PTPRA: variants seen among roughly 807,000 people sequenced by gnomAD.
PTPRA encodes receptor-type tyrosine-protein phosphatase alpha.
Under a neutral mutation model 104.8 loss-of-function variants are expected in PTPRA, and 25 were observed. The observed-to-expected ratio is 0.24, with a 90% CI of 0.17 to 0.33. The LOEUF (loss-of-function observed/expected upper bound fraction) is 0.33, where lower values mean the gene tolerates loss of function less well. PTPRA is among the 10% of genes least tolerant of loss of function. The pLI, the probability that PTPRA is intolerant of heterozygous loss-of-function variation, is 1.00. For missense variants in PTPRA, 765 were observed against 1,015.3 expected, an observed-to-expected ratio of 0.75 and a Z score of 3.35; for synonymous variants, 323 against 368.9, an observed-to-expected ratio of 0.88 and a Z score of 1.43.
At chr20:2,991,230 G>A (rs933683820) in intron 9 of PTPRA, among the ~76,000 whole-genome samples, 6 of 151,956 alleles carry the variant, frequency 3.9e-5, no homozygotes, top group East Asian at 1.9e-4. Context: ...GTGGTGGCAC[G>A]TGCCTGTAAT....
intron 1 of PTPRA, among the ~76,000 whole-genome samples, chr20:2,894,988 C>CAAA (rs58817434): frequency 1.9e-5 from 2 of 104,472 alleles, no homozygotes; most frequent in Non-Finnish European, 2.0e-5. Flanking sequence ...CTCCTTCACC[C>CAAA]AAAAAAAAAA....
At chr20:3,009,082 G>A (rs1023449994) in intron 11 of PTPRA, among the ~76,000 whole-genome samples, 45 of 152,194 alleles carry the variant, frequency 3.0e-4, no homozygotes, top group Non-Finnish European at 6.0e-4. Flanking sequence ...ACTCGTAGGT[G>A]TGGGTAAAGC....
In PTPRA at chr20:3,022,363, C is replaced by A; in HGVS notation, c.1328+143C>A. 8.9e-7 allele frequency: 1 copy of A among 1,122,494 alleles called. No homozygotes were observed. The highest frequency in any genetic ancestry group is 1.3e-6 in the Non-Finnish European group (1 of 789,060). 69.5% of individuals were successfully genotyped at this position (1,122,494 alleles called of 1,614,324 possible). A position where few individuals can be genotyped will look rare whatever the true frequency, so the allele number is the denominator to read the frequency against. ...GGCACCAGCGCAACAGCCAGAGACT[C>A]CAAGTTCTAGTGCAGGGTGGAGAAT... On this transcript the variant is annotated intron_variant, in intron 15 of 23. Coordinates refer to ENST00000399903, the MANE Select transcript of PTPRA (RefSeq NM_001385305.1). The surrounding 1 kb of genome is among the most constrained non-coding windows in gnomAD (Gnocchi z 4.6).
chr20:2,914,296 A>G (rs2059819010), intron 1 of PTPRA, among the ~76,000 whole-genome samples: 1 of 152,110 alleles, frequency 6.6e-6, no homozygotes, highest in Non-Finnish European at 1.5e-5. Context: ...ATGTATTTAG[A>G]GGTTAGGTCT....
At chr20:2,920,639 G>A (rs530468045) in intron 1 of PTPRA, among the ~76,000 whole-genome samples, 155 of 152,146 alleles carry the variant, frequency 1.0e-3, no homozygotes, top group South Asian at 2.5e-3. Flanking sequence ...ATTTTAGGGT[G>A]GTCAGATCCT....
intron 2 of PTPRA, among the ~76,000 whole-genome samples, chr20:2,945,288 C>G (rs1251087674): frequency 6.6e-6 from 1 of 152,110 alleles, no homozygotes; most frequent in African/African-American, 2.4e-5. Flanking sequence ...GGACTAGACA[C>G]TGTAGTTTTA....
At chr20:2,924,974 C>T (rs536021253) in intron 2 of PTPRA, among the ~76,000 whole-genome samples, 9 of 152,162 alleles carry the variant, frequency 5.9e-5, no homozygotes, top group Non-Finnish European at 2.9e-5. Flanking sequence ...CCACCGCGCC[C>T]GGCCTGAAAA....
the PTPRA span, chr20:2,864,846 G>T: frequency 7.9e-7 from 1 of 1,265,690 alleles, no homozygotes; most frequent in Non-Finnish European, 1.1e-6. This position sits in a 1 kb window ranked among gnomAD's most constrained non-coding sequence, Gnocchi z 5.2. Context: ...GGACATCAGA[G>T]TGGTGCACCT....
At position 3,017,806 on chromosome 20, in the gene PTPRA, G is replaced by T. The variant is rs763833635; in HGVS notation, c.944-10G>T. On this transcript the variant is annotated splice_polypyrimidine_tract_variant and intron_variant, in intron 12 of 23. Coordinates refer to ENST00000399903, the MANE Select transcript of PTPRA (RefSeq NM_001385305.1). ...TATATTCTCTTCATTTTTGCTGTTG[G>T]CTACTTTAGGACCAAAAGAAGAAAC... 11 of 1,612,492 alleles carry T rather than the reference G, an allele frequency of 6.8e-6. No individual in the cohort carries two copies.
At chr20:2,991,638 C>T (rs1211407320) in intron 9 of PTPRA, among the ~76,000 whole-genome samples, 1 of 151,942 alleles carries the variant, frequency 6.6e-6, no homozygotes, top group African/African-American at 2.4e-5. Context: ...TCAGTAAATC[C>T]CTGGATGGTG....
At chr20:3,030,174 A>G (rs1226346367) in intron 20 of PTPRA, among the ~76,000 whole-genome samples, 1 of 152,218 alleles carries the variant, frequency 6.6e-6, no homozygotes, top group Non-Finnish European at 1.5e-5. Context: ...GCCTCTGTCC[A>G]GTCAGATGCA....
At chr20:2,994,040 G>A (rs201745172) in intron 9 of PTPRA, among the ~76,000 whole-genome samples, 69 of 152,182 alleles carry the variant, frequency 4.5e-4, no homozygotes, top group African/African-American at 1.3e-3. Context: ...CAAAGGCTCC[G>A]TTCTAACTAG....
intron 3 of PTPRA, among the ~76,000 whole-genome samples, chr20:2,955,333 A>G (rs1189222060): frequency 1.3e-5 from 2 of 152,198 alleles, no homozygotes; most frequent in Non-Finnish European, 2.9e-5. Flanking sequence ...TAGTAATCTG[A>G]CTGACTCTTT....
chr20:3,035,796 A>G lies in PTPRA; in HGVS notation c.2053A>G (p.Lys685Glu). Residue 685 changes from lysine (K) to glutamate (E), a missense_variant, in exon 22 of 24, where the codon AAG becomes GAG. This residue lies in a region of PTPRA where 192 missense variants were observed against 227.0 expected (regional missense o/e 0.85). Transcript: ENST00000399903. The surrounding 1 kb of genome is among the most constrained non-coding windows in gnomAD (Gnocchi z 5.8). Reference protein sequence around the residue: ...DLLVTNTRENKSRQIRQFHFH... With the variant: ...DLLVTNTRENESRQIRQFHFH... ...GATCCCCTTTTTTCCAAAGGAGAATAAGAGCCGGCAGATCCGGCAGTTCCA... is the reference window on the plus strand; with the variant it reads ...GATCCCCTTTTTTCCAAAGGAGAATGAGAGCCGGCAGATCCGGCAGTTCCA... 6.2e-7 allele frequency: 1 copy of G among 1,614,214 alleles called. No homozygotes were observed. The highest frequency in any genetic ancestry group is 1.1e-5 in the South Asian group (1 of 91,082).
At chr20:2,929,398 G>A (rs6084203) in intron 2 of PTPRA, among the ~76,000 whole-genome samples, 19,631 of 152,172 alleles carry the variant, frequency 0.13, 1,594 homozygotes, top group East Asian at 0.28. Context: ...TCTGTTGTGT[G>A]TTCACACATT....
chr20:2,972,082 G>A (rs956924894), intron 5 of PTPRA, among the ~76,000 whole-genome samples: 1 of 152,110 alleles, frequency 6.6e-6, no homozygotes, highest in Non-Finnish European at 1.5e-5. Context: ...TCCTGCCTCA[G>A]CCTCCCAAAG....
chr20:2,983,246 T>C (rs1327191620), intron 6 of PTPRA, among the ~76,000 whole-genome samples: 1 of 151,618 alleles, frequency 6.6e-6, no homozygotes, highest in Non-Finnish European at 1.5e-5. Flanking sequence ...AATAACATGC[T>C]CAAAGGCCTG....
intron 2 of PTPRA, among the ~76,000 whole-genome samples, chr20:2,927,689 GTCTT>G (rs1366033058): frequency 1.3e-5 from 2 of 152,172 alleles, no homozygotes; most frequent in Admixed American, 6.5e-5. Context: ...TTGGATATCA[GTCTT>G]TCTTTGTATT....
intron 1 of PTPRA, among the ~76,000 whole-genome samples, chr20:2,915,525 A>G (rs1434669260): frequency 1.3e-5 from 2 of 152,222 alleles, no homozygotes; most frequent in Non-Finnish European, 2.9e-5. Context: ...CTTATCAGAT[A>G]CATGATATCT....
Sources: allele counts gnomAD v4.1 joint callset (sites outside exome capture counted in the v4.1 genomes callset), GRCh38; gene constraint gnomAD v4.1.1; regional missense constraint gnomAD v4.1.1; non-coding constraint Gnocchi (gnomAD v3.1); transcripts MANE v1.5; gene names NCBI Gene and HGNC (gene_info 2026-07-23, HGNC 2026-07-21).